TYRO3: variants seen among roughly 807,000 people sequenced by gnomAD.
The protein encoded by TYRO3 is TYRO3 protein tyrosine kinase, also known as tyrosine-protein kinase receptor TYRO3.
TYRO3 carries 38 observed loss-of-function variants against 95.2 expected under a neutral mutation model. The ratio of observed to expected loss-of-function variants is 0.40; its 90% CI spans 0.31 to 0.52. The LOEUF (loss-of-function observed/expected upper bound fraction) is 0.52, where lower values mean the gene tolerates loss of function less well. TYRO3 is among the 20% of genes least tolerant of loss of function. The pLI is 0.56. For missense variants in TYRO3, 812 were observed against 1,116.4 expected, an observed-to-expected ratio of 0.73 and a Z score of 3.89; for synonymous variants, 367 against 432.9, an observed-to-expected ratio of 0.85 and a Z score of 1.89.
At chr15:41,574,467 C>A (rs777492479) in intron 18 of TYRO3, among the ~76,000 whole-genome samples, 6 of 152,104 alleles carry the variant, frequency 3.9e-5, no homozygotes, top group Non-Finnish European at 7.3e-5. Context: ...TTCCTCTGAC[C>A]TTATGAGGAA....
At chr15:41,567,757 C>T (rs963606610) in intron 7 of TYRO3, among the ~76,000 whole-genome samples, 2 of 152,076 alleles carry the variant, frequency 1.3e-5, no homozygotes, top group African/African-American at 4.8e-5. Flanking sequence ...AAAGAGTGTC[C>T]CCAGGTGGTT....
At chr15:41,563,915 C>T (rs1027401002) in intron 4 of TYRO3, among the ~76,000 whole-genome samples, 3 of 152,122 alleles carry the variant, frequency 2.0e-5, no homozygotes, top group Non-Finnish European at 2.9e-5. Flanking sequence ...TATAACGTTT[C>T]TCAAGGGCTT....
chr15:41,564,513 G>A (rs1483421504), intron 5 of TYRO3, among the ~76,000 whole-genome samples: 1 of 152,176 alleles, frequency 6.6e-6, no homozygotes, highest in Non-Finnish European at 1.5e-5. Context: ...GTCCTTGGGA[G>A]GGAGGGAAGG....
intron 5 of TYRO3, chr15:41,564,638 G>C (rs1433647557): frequency 5.4e-6 from 2 of 371,198 alleles, no homozygotes; most frequent in African/African-American, 2.1e-5. Context: ...GGAGACCAGA[G>C]GGCTGGTGTA....
chr15:41,559,783 C>T (rs1566896982), intron 1 of TYRO3, among the ~76,000 whole-genome samples: 1 of 152,244 alleles, frequency 6.6e-6, no homozygotes. Context: ...GGGCTGGGCA[C>T]CCAAAGGCCA....
intron 11 of TYRO3, 66 bp downstream of exon 11, chr15:41,570,406 C>G (rs1210269187): frequency 1.3e-6 from 2 of 1,549,330 alleles, no homozygotes; most frequent in African/African-American, 2.7e-5. Context: ...ATTCTTTTAC[C>G]AAATTATTAA....
intron 2 of TYRO3, 96 bp from the exon 3 acceptor site, chr15:41,561,443 C>A (rs1402928140): frequency 2.9e-6 from 4 of 1,377,748 alleles, no homozygotes; most frequent in African/African-American, 1.5e-5. Context: ...ACCTGTGGGA[C>A]CTTCCAGAAG....
chr15:41,562,597 T>C lies in TYRO3; in HGVS notation c.459T>C (p.Asn153=), dbSNP rs1390275835. The stretch of plus-strand genomic sequence containing the variant: ...CAAAAGATCTGGCAGTGCCACCCAA[T>C]GCCCCTTTCCAACTGTCTTGTGAGG... ...VEPKDLAVPP[N]APFQLSCEAV... is the part of the protein sequence containing the mutation. The change falls in exon 4 of 19, where the codon AAT becomes AAC. Residue 153 remains asparagine (N), a synonymous_variant. Coordinates refer to ENST00000263798, the MANE Select transcript of TYRO3 (RefSeq NM_006293.4). 3.1e-6 allele frequency: 5 copies of C among 1,613,648 alleles called. No homozygotes were observed. The African/African-American group carries it at 4.0e-5, about 13-fold the overall frequency.
rs55893020 is a variant in TYRO3, at chr15:41,561,224, C to G, written c.222C>G (p.Ile74Met). 44 of 1,614,098 alleles carry G rather than the reference C, an allele frequency of 2.7e-5. No individual in the cohort carries two copies. Among genetic ancestry groups the G allele is most frequent in the Non-Finnish European group, 2.0e-5 (24 of 1,180,050 alleles). Residue 74 changes from isoleucine (I) to methionine (M), a missense_variant, in exon 2 of 19, where the codon ATC becomes ATG. Ile to Met is a conservative substitution (Grantham distance 10). Transcript: ENST00000263798. Reference protein sequence around the residue: ...CSVEGMEEPDIQWVKDGAVVQ... With the variant: ...CSVEGMEEPDMQWVKDGAVVQ... The stretch of plus-strand genomic sequence containing the variant: ...TGGAGGGGATGGAGGAGCCTGACAT[C>G]CAGTGGGTGAAGGATGGGGCTGTGG...
intron 9 of TYRO3, 77 bp downstream of exon 9, chr15:41,569,099 G>C: frequency 6.5e-7 from 1 of 1,543,928 alleles, no homozygotes. Flanking sequence ...GATGGGAGGA[G>C]CCTAGTAGCA....
chr15:41,572,415 C>G, intron 14 of TYRO3, 28 bp from the exon 15 acceptor site: 1 of 1,415,354 alleles, frequency 7.1e-7, no homozygotes. Context: ...CCCTTCTATG[C>G]TCAGCTCCTG....
intron 11 of TYRO3, 55 bp downstream of exon 11, chr15:41,570,395 C>T: frequency 7.0e-7 from 1 of 1,426,392 alleles, no homozygotes; most frequent in Non-Finnish European, 9.6e-7. Context: ...GCCCCATCTG[C>T]ATTCTTTTAC....
chr15:41,567,902 A>G (rs1014923587), intron 7 of TYRO3, among the ~76,000 whole-genome samples: 4 of 152,192 alleles, frequency 2.6e-5, no homozygotes, highest in African/African-American at 9.6e-5. Context: ...CAAAGACCCT[A>G]TGACAGGAAC....
intron 18 of TYRO3, 160 bp from the exon 19 acceptor site, chr15:41,577,726 A>C: frequency 3.6e-5 from 24 of 673,500 alleles, no homozygotes; most frequent in Non-Finnish European, 5.4e-5. Context: ...GGCTCAAATA[A>C]TACCCCCCTT....
rs951355226 is a variant in TYRO3 at position 41,582,703 on chromosome 15, A to T, written c.*4427A>T. 4 of 152,184 alleles carry T rather than the reference A, an allele frequency of 2.6e-5. 1 individual carries two copies. The East Asian group carries it at 7.7e-4, about 29-fold the overall frequency. 9.4% of individuals were successfully genotyped at this position (152,184 alleles called of 1,614,324 possible). Reference sequence around the variant, plus strand: ...TCAAAAAAGAAAATAATAATAATATAGTTTATTTTTCAGTATTTCATGTTG... The same window carrying T: ...TCAAAAAAGAAAATAATAATAATATTGTTTATTTTTCAGTATTTCATGTTG... On this transcript the variant is annotated 3_prime_UTR_variant, in exon 19 of 19. Coordinates refer to ENST00000263798, the MANE Select transcript of TYRO3 (RefSeq NM_006293.4).
chr15:41,576,548 C>T (rs1219229601), intron 18 of TYRO3, among the ~76,000 whole-genome samples: 3 of 151,164 alleles, frequency 2.0e-5, no homozygotes, highest in Non-Finnish European at 4.4e-5. Flanking sequence ...AGGCTGGACT[C>T]GAACTCCTGA....
At chr15:41,575,381 G>C (rs903956432) in intron 18 of TYRO3, among the ~76,000 whole-genome samples, 3 of 152,214 alleles carry the variant, frequency 2.0e-5, no homozygotes, top group Non-Finnish European at 2.9e-5. Flanking sequence ...AGGGCAGTGG[G>C]GACCAGACCC....
chr15:41,569,662 G>T (rs1300073302), intron 9 of TYRO3, among the ~76,000 whole-genome samples: 1 of 152,162 alleles, frequency 6.6e-6, no homozygotes, highest in Admixed American at 6.6e-5. Flanking sequence ...AGCTACTTGG[G>T]AGGCTGAAGT....
At chr15:41,560,339 A>G (rs1595497887) in intron 1 of TYRO3, among the ~76,000 whole-genome samples, 1 of 150,794 alleles carries the variant, frequency 6.6e-6, no homozygotes, top group East Asian at 2.0e-4. Flanking sequence ...TGGATACTTG[A>G]CCTGCCCCTC....
Sources: gnomAD v4.1 joint callset for allele counts (sites outside exome capture counted in the v4.1 genomes callset) on GRCh38, gnomAD v4.1.1 for gene constraint, MANE v1.5 for transcripts, NCBI Gene and HGNC (gene_info 2026-07-23, HGNC 2026-07-21) for gene names.